ARHGAP29: variants seen among roughly 807,000 people sequenced by gnomAD.
ARHGAP29 encodes the protein rho GTPase-activating protein 29.
In ARHGAP29, 43 loss-of-function variants were observed where a neutral mutation model predicts 122.6. That is an observed-to-expected ratio of 0.35 (90% CI 0.27 to 0.45). The LOEUF is 0.45. Ranked by LOEUF, ARHGAP29 falls within the 20% of genes least tolerant of loss-of-function variation. The probability of loss-of-function intolerance (pLI) is 1.00; values close to 1 mark genes in which losing one functional copy is unlikely to be tolerated. For synonymous variants in ARHGAP29, 506 were observed against 497.1 expected (o/e 1.02, Z -0.24); for missense variants, 1,303 against 1,477.2 (o/e 0.88, Z 1.93).
chr1:94,235,884 C>G (rs1358243346), intron 1 of ARHGAP29, among the ~76,000 whole-genome samples: 1 of 152,150 alleles, frequency 6.6e-6, no homozygotes, highest in Non-Finnish European at 1.5e-5. Flanking sequence ...ATGTCCGCTG[C>G]CCCACGCATG....
At chr1:94,271,272 A>G (rs1405526055) in intron 1 of ARHGAP29, among the ~76,000 whole-genome samples, 2 of 151,622 alleles carry the variant, frequency 1.3e-5, no homozygotes, top group Non-Finnish European at 2.9e-5. Context: ...TAAGAGAATA[A>G]AAGAGGATAA....
intron 6 of ARHGAP29, 123 bp from the exon 7 acceptor site, chr1:94,205,321 T>G: frequency 1.3e-6 from 1 of 794,846 alleles, no homozygotes; most frequent in Non-Finnish European, 1.8e-6. Flanking sequence ...AAAATACAAG[T>G]GACAAATTTA....
chr1:94,205,776 A>G, intron 5 of ARHGAP29, 93 bp from the exon 6 acceptor site: 1 of 1,060,010 alleles, frequency 9.4e-7, no homozygotes, highest in Non-Finnish European at 1.4e-6. Flanking sequence ...CTCTGACATA[A>G]TTCCTGCTAA....
rs780214123 is a variant in ARHGAP29 at position 94,188,772 on chromosome 1, A to C, written c.1681+65T>G. On this transcript the variant is annotated intron_variant, in intron 15 of 22. Coordinates refer to ENST00000260526, the MANE Select transcript of ARHGAP29 (RefSeq NM_004815.4). Reference sequence around the variant, plus strand: ...TTCACTATAAAAACAAGGTAGTTAAAAAATACCTAAAAAAGGACTGATCTT... The same window carrying C: ...TTCACTATAAAAACAAGGTAGTTAACAAATACCTAAAAAAGGACTGATCTT... The C allele has an allele frequency of 2.0e-4, 267 of 1,331,228 alleles. 1 individual carries two copies. The highest frequency in any genetic ancestry group is 2.8e-4 in the Non-Finnish European group (263 of 942,076). 82.5% of individuals were successfully genotyped at this position (1,331,228 alleles called of 1,614,324 possible). A position where few individuals can be genotyped will look rare whatever the true frequency, so the allele number is the denominator to read the frequency against.
At chr1:94,294,426 G>A in the ARHGAP29 span, among the ~76,000 whole-genome samples, 57 of 152,048 alleles carry the variant, frequency 3.7e-4, no homozygotes, top group African/African-American at 1.4e-3. Flanking sequence ...GGGACTACAG[G>A]CACACGCCAT....
intron 1 of ARHGAP29, among the ~76,000 whole-genome samples, chr1:94,249,804 A>G (rs1018004909): frequency 6.6e-6 from 1 of 152,050 alleles, no homozygotes; most frequent in African/African-American, 2.4e-5. Flanking sequence ...CATATTGTAC[A>G]TAGGATACTA....
the ARHGAP29 span, among the ~76,000 whole-genome samples, chr1:94,313,335 A>G: frequency 2.0e-5 from 3 of 152,186 alleles, no homozygotes; most frequent in Admixed American, 2.0e-4. Flanking sequence ...CTAAGAAACA[A>G]GACCCTCTTT....
chr1:94,291,649 G>C, the ARHGAP29 span, among the ~76,000 whole-genome samples: 1 of 152,196 alleles, frequency 6.6e-6, no homozygotes, highest in Admixed American at 6.5e-5. Context: ...CAGGCCTGGT[G>C]ATGACAAAAT....
chr1:94,213,477 C>T (rs919726871), intron 3 of ARHGAP29, among the ~76,000 whole-genome samples: 10 of 152,166 alleles, frequency 6.6e-5, no homozygotes, highest in East Asian at 1.9e-4. Context: ...CCACCGCACC[C>T]GGCCTGGAAA....
At chr1:94,285,832 G>A in the ARHGAP29 span, among the ~76,000 whole-genome samples, 30 of 135,786 alleles carry the variant, frequency 2.2e-4, no homozygotes, top group South Asian at 2.7e-3. Context: ...CCAAGATTGC[G>A]CCACTATACT....
intron 1 of ARHGAP29, among the ~76,000 whole-genome samples, chr1:94,250,200 G>A (rs372797267): frequency 3.9e-5 from 6 of 152,290 alleles, no homozygotes; most frequent in African/African-American, 1.2e-4. Flanking sequence ...GAGCAGAGTG[G>A]ACAGGTGCTC....
intron 1 of ARHGAP29, among the ~76,000 whole-genome samples, chr1:94,249,066 T>A (rs372909840): frequency 6.6e-6 from 1 of 152,316 alleles, no homozygotes; most frequent in Admixed American, 6.5e-5. Flanking sequence ...ATGTCAAACA[T>A]CTGCTATGTG....
At chr1:94,307,661 G>A in the ARHGAP29 span, among the ~76,000 whole-genome samples, 1 of 152,092 alleles carries the variant, frequency 6.6e-6, no homozygotes, top group African/African-American at 2.4e-5. Context: ...GATAAAGGTA[G>A]CATTTCAAAA....
the ARHGAP29 span, among the ~76,000 whole-genome samples, chr1:94,292,347 A>G: frequency 2.0e-5 from 3 of 152,162 alleles, no homozygotes; most frequent in Admixed American, 6.5e-5. Context: ...CTAGTTAGCC[A>G]TTCGTCTAAC....
chr1:94,201,210 G>A (rs1456620814), intron 12 of ARHGAP29, among the ~76,000 whole-genome samples: 1 of 152,106 alleles, frequency 6.6e-6, no homozygotes, highest in Non-Finnish European at 1.5e-5. Flanking sequence ...AAGAAAACTG[G>A]TGGCTTAGAG....
intron 22 of ARHGAP29, 35 bp from the exon 23 acceptor site, chr1:94,174,784 A>G: frequency 1.3e-6 from 2 of 1,595,008 alleles, no homozygotes; most frequent in Non-Finnish European, 1.7e-6. Context: ...AGTTTGTGGC[A>G]CATGGTTAAT....
the ARHGAP29 span, among the ~76,000 whole-genome samples, chr1:94,307,156 C>A: frequency 6.6e-6 from 1 of 152,114 alleles, no homozygotes; most frequent in Non-Finnish European, 1.5e-5. Flanking sequence ...CAAACCCGAT[C>A]CCAGTGTAAG....
intron 12 of ARHGAP29, chr1:94,192,834 T>C (rs1297051819): frequency 6.6e-6 from 1 of 151,500 alleles, no homozygotes; most frequent in Non-Finnish European, 1.5e-5. Context: ...AAATTAATGC[T>C]CAATATAGGT....
chr1:94,274,898 T>C (rs1327389020), intron 1 of ARHGAP29: 1 of 152,288 alleles, frequency 6.6e-6, no homozygotes, highest in Non-Finnish European at 1.5e-5. Context: ...CCTGGAGATC[T>C]GTTCAAATAA....
Sources: allele counts gnomAD v4.1 joint callset (sites outside exome capture counted in the v4.1 genomes callset), GRCh38; gene constraint gnomAD v4.1.1; transcripts MANE v1.5; gene names NCBI Gene and HGNC (gene_info 2026-07-23, HGNC 2026-07-21).